Variants in TTC28 observed in about 807,000 individuals in gnomAD.
TTC28 encodes the protein tetratricopeptide repeat protein 28.
A neutral mutation model predicts 198.0 loss-of-function variants in TTC28; 61 were observed. The observed-to-expected ratio is 0.31, with a 90% CI of 0.25 to 0.38. TTC28 has a LOEUF of 0.38. Ranked by LOEUF, TTC28 falls within the 10% of genes least tolerant of loss-of-function variation. The pLI, the probability that TTC28 is intolerant of heterozygous loss-of-function variation, is 1.00. For missense variants in TTC28, 2,678 were observed against 3,164.0 expected (o/e 0.85, Z 3.69); for synonymous variants, 1,171 against 1,297.8 (o/e 0.90, Z 2.10).
rs1936984586 is a variant in TTC28, at chr22:27,980,839, A to T, written c.*1382T>A. ...TAGATGATTCCCTTGTCTTGCCTCAAGCTGGCAACAATTTAAGTTACCGTC... is the reference window on the plus strand; with the variant it reads ...TAGATGATTCCCTTGTCTTGCCTCATGCTGGCAACAATTTAAGTTACCGTC... On this transcript the variant is annotated 3_prime_UTR_variant, in exon 23 of 23. Transcript: ENST00000397906. 6.6e-6 allele frequency: 1 copy of T among 152,274 alleles called. No individual in the cohort carries two copies. Among genetic ancestry groups the T allele is most frequent in the Non-Finnish European group, 1.5e-5 (1 of 68,058 alleles). 9.4% of individuals were successfully genotyped at this position (152,274 alleles called of 1,614,324 possible).
At chr22:28,020,267 C>T (rs1938538286) in intron 13 of TTC28, among the ~76,000 whole-genome samples, 1 of 152,262 alleles carries the variant, frequency 6.6e-6, no homozygotes, top group South Asian at 2.1e-4. Flanking sequence ...CCCAGTTGGA[C>T]TGACAGCCTA....
chr22:28,588,631 A>G (rs2050365608), intron 2 of TTC28, among the ~76,000 whole-genome samples: 1 of 152,230 alleles, frequency 6.6e-6, no homozygotes, highest in African/African-American at 2.4e-5. Flanking sequence ...TGAAAGTAGC[A>G]ACTTCTTTCT....
chr22:28,238,360 T>TA lies in TTC28; in HGVS notation c.933+57837dup, dbSNP rs150661215. Among the ~76,000 whole-genome samples the TA allele has an allele frequency of 6.8e-3, 1,031 of 152,306 alleles. 5 individuals carry two copies. The highest frequency in any genetic ancestry group is 0.011 in the Non-Finnish European group (782 of 68,004). On this transcript the variant is annotated intron_variant, in intron 5 of 22. Coordinates refer to ENST00000397906, the MANE Select transcript of TTC28 (RefSeq NM_001145418.2). ...TCTTCAGCTGTATCTAATCTCTTTT[T>TA]AAGCCCATCCAGTCATTTTTCATTT...
chr22:28,076,059 CTTTGT>C (rs1941156372), intron 12 of TTC28, among the ~76,000 whole-genome samples: 1 of 152,168 alleles, frequency 6.6e-6, no homozygotes, highest in African/African-American at 2.4e-5. Context: ...ATTGGAAACT[CTTTGT>C]TTTAAGGAAT....
intron 12 of TTC28, among the ~76,000 whole-genome samples, chr22:28,034,059 T>C (rs544157805): frequency 2.0e-5 from 3 of 152,244 alleles, no homozygotes; most frequent in African/African-American, 7.2e-5. Context: ...TATGAGAATG[T>C]GAATAAACAA....
chr22:28,179,968 T>C (rs775927175), intron 5 of TTC28, among the ~76,000 whole-genome samples: 11 of 152,208 alleles, frequency 7.2e-5, no homozygotes, highest in Non-Finnish European at 1.3e-4. Context: ...AAGAATACCG[T>C]TCTAAAATCA....
chr22:28,514,638 C>G (rs1346730952), intron 2 of TTC28, among the ~76,000 whole-genome samples: 1 of 152,226 alleles, frequency 6.6e-6, no homozygotes, highest in Non-Finnish European at 1.5e-5. Flanking sequence ...TTTTACTTCT[C>G]TATATTTTCA....
chr22:28,523,004 GAAGT>G (rs1236393397), intron 2 of TTC28, among the ~76,000 whole-genome samples: 3 of 152,156 alleles, frequency 2.0e-5, no homozygotes, highest in Non-Finnish European at 2.9e-5. Flanking sequence ...AAAAATCACT[GAAGT>G]ATGTACTTTA....
intron 2 of TTC28, among the ~76,000 whole-genome samples, chr22:28,610,270 C>A (rs2050798726): frequency 6.6e-6 from 1 of 152,196 alleles, no homozygotes; most frequent in African/African-American, 2.4e-5. Context: ...AAGTCCGTCC[C>A]TGACTCCCAT....
At chr22:28,394,034 C>T (rs2046775582) in intron 2 of TTC28, among the ~76,000 whole-genome samples, 1 of 152,156 alleles carries the variant, frequency 6.6e-6, no homozygotes, top group African/African-American at 2.4e-5. Context: ...CACGCCAGCT[C>T]AGGGTTCACT....
chr22:28,583,992 TTTG>T (rs2050270582), intron 2 of TTC28, among the ~76,000 whole-genome samples: 1 of 150,474 alleles, frequency 6.6e-6, no homozygotes, highest in Non-Finnish European at 1.5e-5. Flanking sequence ...CCGTTTTTTT[TTTG>T]TTTTGTTTTT....
chr22:28,512,510 G>C (rs1211019617), intron 2 of TTC28, among the ~76,000 whole-genome samples: 1 of 152,130 alleles, frequency 6.6e-6, no homozygotes, highest in Admixed American at 6.5e-5. Context: ...CAATAGCAAA[G>C]ACAAGGAATC....
intron 5 of TTC28, among the ~76,000 whole-genome samples, chr22:28,199,530 CATATATATATAT>C: frequency 7.2e-6 from 1 of 138,968 alleles, no homozygotes; most frequent in African/African-American, 2.7e-5. Context: ...AATACCTATA[CATATATATATAT>C]ATATATACAC....
intron 5 of TTC28, among the ~76,000 whole-genome samples, chr22:28,247,365 C>T (rs532764224): frequency 1.3e-5 from 2 of 152,154 alleles, no homozygotes; most frequent in South Asian, 2.1e-4. Context: ...GAATCATATG[C>T]GACTGCCTGA....
intron 2 of TTC28, among the ~76,000 whole-genome samples, chr22:28,403,210 G>T (rs1247926604): frequency 6.6e-6 from 1 of 152,100 alleles, no homozygotes; most frequent in African/African-American, 2.4e-5. Context: ...TTTGCTATTG[G>T]CCAATAGTCT....
At chr22:28,299,266 G>A (rs1384591092) in intron 3 of TTC28, among the ~76,000 whole-genome samples, 1 of 151,746 alleles carries the variant, frequency 6.6e-6, no homozygotes, top group Non-Finnish European at 1.5e-5. Context: ...TATAAAAGGG[G>A]TGGTCTCTTT....
intron 2 of TTC28, among the ~76,000 whole-genome samples, chr22:28,413,487 T>G (rs2047119396): frequency 6.6e-6 from 1 of 152,138 alleles, no homozygotes; most frequent in Non-Finnish European, 1.5e-5. Flanking sequence ...TATTTTATTT[T>G]CATGAAATAC....
At chr22:28,071,588 G>A (rs147534618) in intron 12 of TTC28, among the ~76,000 whole-genome samples, 5 of 148,714 alleles carry the variant, frequency 3.4e-5, no homozygotes, top group Admixed American at 1.3e-4. Context: ...GTGGTGGGGT[G>A]GGGGGGAGCG....
At chr22:28,285,470 T>A (rs2044666771) in intron 5 of TTC28, among the ~76,000 whole-genome samples, 1 of 152,082 alleles carries the variant, frequency 6.6e-6, no homozygotes, top group Non-Finnish European at 1.5e-5. Flanking sequence ...ACAAATAAGT[T>A]CTGGGGACTC....
Sources: allele counts gnomAD v4.1 joint callset (sites outside exome capture counted in the v4.1 genomes callset), GRCh38; gene constraint gnomAD v4.1.1; transcripts MANE v1.5; gene names NCBI Gene and HGNC (gene_info 2026-07-23, HGNC 2026-07-21).